The following EML1 variants were observed in gnomAD, a reference collection of about 807,000 sequenced individuals.
The protein encoded by EML1 is EMAP like 1.
A neutral mutation model predicts 110.4 loss-of-function variants in EML1; 27 were observed. That is an observed-to-expected ratio of 0.24 (90% CI 0.18 to 0.34). EML1 has a LOEUF of 0.34. Among genes scored for constraint, EML1 ranks in the 10% least tolerant of loss-of-function variants. EML1 has a pLI of 1.00. For synonymous variants in EML1, 344 were observed against 385.8 expected (o/e 0.89, Z 1.27); for missense variants, 741 against 1,030.9 (o/e 0.72, Z 3.85).
chr14:99,839,944 G>A (rs1489501932), intron 1 of EML1, among the ~76,000 whole-genome samples: 1 of 152,224 alleles, frequency 6.6e-6, no homozygotes, highest in Non-Finnish European at 1.5e-5. Context: ...GGAGTGGTAC[G>A]CAGGGCTGCG....
intron 1 of EML1, among the ~76,000 whole-genome samples, chr14:99,780,918 C>G (rs1028258933): frequency 6.6e-6 from 1 of 152,130 alleles, no homozygotes; most frequent in African/African-American, 2.4e-5. Context: ...ATGAAATTGC[C>G]TAACAGCATA....
chr14:99,739,080 G>A (rs1348070599), intron 1 of EML1, among the ~76,000 whole-genome samples: 4 of 126,594 alleles, frequency 3.2e-5, no homozygotes, highest in African/African-American at 1.4e-4. Flanking sequence ...GTGTGTGTGT[G>A]TGTGTGTGTG....
intron 5 of EML1, 192 bp from the exon 6 acceptor site, chr14:99,894,419 TAAGTAAACAGAATATCAA>T: frequency 2.3e-6 from 1 of 429,508 alleles, no homozygotes; most frequent in Middle Eastern, 6.5e-4. Context: ...CTCATGTACT[TAAGTAAACAGAATATCAA>T]AAGCAAACAA....
chr14:99,824,118 A>G (rs769533467), intron 1 of EML1, among the ~76,000 whole-genome samples: 3 of 152,132 alleles, frequency 2.0e-5, no homozygotes, highest in Middle Eastern at 3.4e-3. Context: ...CACCATGCCC[A>G]GCTAATTTTT....
At chr14:99,833,458 T>C (rs2058493088) in intron 1 of EML1, among the ~76,000 whole-genome samples, 1 of 152,232 alleles carries the variant, frequency 6.6e-6, no homozygotes, top group Non-Finnish European at 1.5e-5. Context: ...TTGTGGCTAG[T>C]CTAGGTTCTT....
intron 3 of EML1, among the ~76,000 whole-genome samples, chr14:99,873,905 A>G (rs1178279583): frequency 6.6e-6 from 1 of 152,216 alleles, no homozygotes; most frequent in East Asian, 1.9e-4. Context: ...GTTGATGCCT[A>G]GTAAGTGTCT....
rs369237790 is a variant in EML1 at position 99,796,909 on chromosome 14, A to ATGTG, written c.67+3391_67+3394dup. Among the ~76,000 whole-genome samples the ATGTG allele has an allele frequency of 7.1e-3, 1,007 of 142,668 alleles. 10 individuals carry two copies. Among genetic ancestry groups the ATGTG allele is most frequent in the African/African-American group, 0.023 (893 of 39,362 alleles). 93.6% of individuals were successfully genotyped at this position (142,668 alleles called of 152,430 possible). ...TACCAGTCTAAATCTTTGTGTGTGT[A>ATGTG]TGTGTGTGTGTGTGTGTGTGTGTGT... On this transcript the variant is annotated intron_variant, in intron 1 of 21. Transcript: ENST00000262233.
Position 99,878,497 on chromosome 14 carries a change from G to A in EML1, c.396G>A (p.Arg132=), listed in dbSNP as rs567226366. The change falls in exon 4 of 22, where the codon AGG becomes AGA. Residue 132 remains arginine (R), a synonymous_variant. Transcript: ENST00000262233. ...AVPATKSNIK[R]TSSSERVSPG... ...ATTCCACCCTTAGTAACATCAAGAGGACCAGCTCTTCTGAACGAGTGTCTC... is the reference window on the plus strand; with the variant it reads ...ATTCCACCCTTAGTAACATCAAGAGAACCAGCTCTTCTGAACGAGTGTCTC... 6.2e-7 allele frequency: 1 copy of A among 1,612,758 alleles called. No individual in the cohort carries two copies. The highest frequency in any genetic ancestry group is 1.7e-5 in the Admixed American group (1 of 59,668).
rs897526679 is a variant in EML1 at position 99,939,142 on chromosome 14, T to C, written c.2192-55T>C. On this transcript the variant is annotated intron_variant, in intron 20 of 21. Coordinates refer to ENST00000262233, the MANE Select transcript of EML1 (RefSeq NM_004434.3). This position sits in a 1 kb window ranked among gnomAD's most constrained non-coding sequence, Gnocchi z 4.2. ...CGTTCAGTGGGCGCTTCCTGCGCCA[T>C]GTGGCCCTGTGGCCCCTGGTGTTTC... is the stretch of plus-strand genomic sequence containing the variant. The C allele has an allele frequency of 1.9e-6, 3 of 1,601,858 alleles. No homozygotes were observed. The highest frequency in any genetic ancestry group is 1.3e-5 in the African/African-American group (1 of 74,402).
chr14:99,825,356 A>AG (rs1228282119), intron 1 of EML1, among the ~76,000 whole-genome samples: 2 of 152,172 alleles, frequency 1.3e-5, no homozygotes. Flanking sequence ...TGTTGTGAAT[A>AG]GTGCTGTGAT....
intron 5 of EML1, among the ~76,000 whole-genome samples, chr14:99,893,477 C>G (rs966865369): frequency 1.3e-5 from 2 of 152,154 alleles, no homozygotes; most frequent in Admixed American, 6.5e-5. Flanking sequence ...AGCCTTAATA[C>G]GCAGTGTGAA....
upstream of EML1, among the ~76,000 whole-genome samples, chr14:99,792,472 G>A (rs371532524): frequency 6.6e-6 from 1 of 152,256 alleles, no homozygotes; most frequent in South Asian, 2.1e-4. Flanking sequence ...GGTATAAAAT[G>A]CGAACCATTA....
intron 15 of EML1, 145 bp downstream of exon 15, chr14:99,914,842 A>G (rs2060007100): frequency 9.3e-7 from 1 of 1,076,464 alleles, no homozygotes. Context: ...TAACATTGCA[A>G]TTGCATTTAA....
intron 2 of EML1, among the ~76,000 whole-genome samples, chr14:99,853,432 C>T (rs1301270864): frequency 5.3e-5 from 8 of 151,888 alleles, no homozygotes; most frequent in Non-Finnish European, 1.2e-4. Flanking sequence ...CCTGCAGCAG[C>T]TGCCCTGGCT....
chr14:99,751,904 GTT>G (rs1178896276), intron 1 of EML1, among the ~76,000 whole-genome samples: 2 of 152,136 alleles, frequency 1.3e-5, no homozygotes, highest in African/African-American at 4.8e-5. Context: ...GCCAGGGAGG[GTT>G]TTGGGCAGAG....
chr14:99,796,626 A>G (rs928157014), intron 1 of EML1, among the ~76,000 whole-genome samples: 5 of 151,388 alleles, frequency 3.3e-5, no homozygotes, highest in Admixed American at 6.6e-5. Flanking sequence ...AGTAGCTGGG[A>G]CTACAGGTGC....
intron 1 of EML1, among the ~76,000 whole-genome samples, chr14:99,741,462 C>T (rs542813488): frequency 5.3e-5 from 8 of 152,170 alleles, no homozygotes; most frequent in East Asian, 3.9e-4. Flanking sequence ...CCCTGGTGTC[C>T]CCAAAAGGCC....
chr14:99,839,797 A>G (rs1285348624), intron 1 of EML1, among the ~76,000 whole-genome samples: 1 of 152,224 alleles, frequency 6.6e-6, no homozygotes, highest in Non-Finnish European at 1.5e-5. Flanking sequence ...ATTTTCTATG[A>G]AGTGATGAAC....
At chr14:99,925,983 G>T (rs762738060) in intron 17 of EML1, among the ~76,000 whole-genome samples, 20 of 152,284 alleles carry the variant, frequency 1.3e-4, no homozygotes, top group South Asian at 8.3e-4. Flanking sequence ...CAGCCGCGTG[G>T]TCCTCAGAGC....
Sources: gnomAD v4.1 joint callset for allele counts (sites outside exome capture counted in the v4.1 genomes callset) on GRCh38, gnomAD v4.1.1 for gene constraint, Gnocchi (gnomAD v3.1) non-coding constraint, MANE v1.5 for transcripts, NCBI Gene and HGNC (gene_info 2026-07-23, HGNC 2026-07-21) for gene names.